The following DEUP1 variants were observed in gnomAD, a reference collection of about 807,000 sequenced individuals.
DEUP1 encodes the protein deuterosome assembly protein 1, also known as coiled-coil domain containing 67.
A neutral mutation model predicts 87.4 loss-of-function variants in DEUP1; 82 were observed. That is an observed-to-expected ratio of 0.94 (90% CI 0.78 to 1.13). DEUP1 has a LOEUF of 1.13. Among genes scored for constraint, DEUP1 ranks in the 50% most tolerant of loss-of-function variants. The pLI, the probability that DEUP1 is intolerant of heterozygous loss-of-function variation, is 0.00. For missense variants in DEUP1, 663 were observed against 681.5 expected (o/e 0.97, Z 0.30); for synonymous variants, 214 against 222.7 (o/e 0.96, Z 0.35).
At position 93,438,208 on chromosome 11, in the gene DEUP1, A is replaced by T. The variant is rs1305659442; in HGVS notation, c.*489A>T. 1.3e-5 allele frequency: 2 copies of T among 152,306 alleles called. No individual in the cohort carries two copies. Among genetic ancestry groups the T allele is most frequent in the African/African-American group, 4.8e-5 (2 of 41,462 alleles). 9.4% of individuals were successfully genotyped at this position (152,306 alleles called of 1,614,324 possible). ...AGTTATGTAAACACTCTAAAATTCTATAATTTTTTGGAAAAAAAAAGCTAT... is the reference window on the plus strand; with the variant it reads ...AGTTATGTAAACACTCTAAAATTCTTTAATTTTTTGGAAAAAAAAAGCTAT... On this transcript the variant is annotated 3_prime_UTR_variant, in exon 14 of 14. Coordinates refer to ENST00000298050, the MANE Select transcript of DEUP1 (RefSeq NM_181645.4).
intron 9 of DEUP1, among the ~76,000 whole-genome samples, chr11:93,393,096 T>G (rs1466386449): frequency 7.1e-6 from 1 of 139,962 alleles, no homozygotes; most frequent in African/African-American, 2.8e-5. Context: ...TCTTTTTTTT[T>G]TTTTTTTTTG....
intron 13 of DEUP1, among the ~76,000 whole-genome samples, chr11:93,431,112 A>G (rs111423463): frequency 3.5e-4 from 40 of 113,378 alleles, no homozygotes; most frequent in East Asian, 1.5e-3. Flanking sequence ...AAAAAAAAAA[A>G]AAAGAAAGAA....
intron 5 of DEUP1, among the ~76,000 whole-genome samples, chr11:93,365,576 T>C (rs1945374258): frequency 1.3e-5 from 2 of 152,096 alleles, no homozygotes; most frequent in South Asian, 2.1e-4. Flanking sequence ...TTAATAAAAA[T>C]TTTTCAGACA....
rs1281155551 is a variant in DEUP1 at position 93,373,640 on chromosome 11, T to C, written c.789+2360T>C. On this transcript the variant is annotated intron_variant, in intron 7 of 13. Transcript: ENST00000298050. ...ATATATATACGTATATATATATATATATATATATATACGTATATATATGCC... is the reference window on the plus strand; with the variant it reads ...ATATATATACGTATATATATATATACATATATATATACGTATATATATGCC... 1.1e-3 allele frequency among the ~76,000 whole-genome samples: 151 copies of C among 142,338 alleles called. 1 individual carries two copies. The highest frequency in any genetic ancestry group is 3.7e-3 in the Middle Eastern group (1 of 268). 93.4% of individuals were successfully genotyped at this position (142,338 alleles called of 152,430 possible).
In DEUP1 at chr11:93,437,978, C is replaced by A; in HGVS notation, c.*259C>A. On this transcript the variant is annotated 3_prime_UTR_variant, in exon 14 of 14. Transcript: ENST00000298050. Reference sequence around the variant, plus strand: ...GACTATTCCAAAAGAGATTTTTTTCCAGTCTAAGGAATATTTTGGAATCAA... The same window carrying A: ...GACTATTCCAAAAGAGATTTTTTTCAAGTCTAAGGAATATTTTGGAATCAA... 1 of 267,570 alleles carries A rather than the reference C, an allele frequency of 3.7e-6. No homozygotes were observed. The highest frequency in any genetic ancestry group is 7.0e-6 in the Non-Finnish European group (1 of 142,748). 16.6% of individuals were successfully genotyped at this position (267,570 alleles called of 1,614,324 possible). A position where few individuals can be genotyped will look rare whatever the true frequency, so the allele number is the denominator to read the frequency against.
rs527528813 is a variant in DEUP1 at position 93,416,325 on chromosome 11, T to A, written c.1638+1211T>A. ...AAAAAAGAGAGAAGAATCAAATAGA[T>A]GCAATAAAAAATGATAAAGGGGATA... On this transcript the variant is annotated intron_variant, in intron 13 of 13. Transcript: ENST00000298050. Among the ~76,000 whole-genome samples, 3 of 151,720 alleles carry A rather than the reference T, an allele frequency of 2.0e-5. No individual in the cohort carries two copies. In the South Asian group the frequency reaches 6.3e-4, roughly 32 times the overall value.
chr11:93,416,478 G>C (rs1287011245), intron 13 of DEUP1, among the ~76,000 whole-genome samples: 1 of 152,074 alleles, frequency 6.6e-6, no homozygotes, highest in Non-Finnish European at 1.5e-5. Flanking sequence ...GACTAAACCA[G>C]GAAGAAGTTG....
rs1468087711 is a variant in DEUP1, at chr11:93,415,086, T to C, written c.1610T>C (p.Leu537Ser). The change falls in exon 13 of 14, where the codon TTG (leucine) becomes TCG (serine). Residue 537 changes from leucine (L) to serine (S), a missense_variant. Coordinates refer to ENST00000298050, the MANE Select transcript of DEUP1 (RefSeq NM_181645.4). ...TFQAKEMTSP[L>S]VSDDDVFPLS... is the part of the protein sequence containing the mutation. ...CAAGCCAAAGAAATGACAAGTCCTTTGGTTAGTGATGATGATGTATTCCCA... is the reference window on the plus strand; with the variant it reads ...CAAGCCAAAGAAATGACAAGTCCTTCGGTTAGTGATGATGATGTATTCCCA... 2 of 1,610,292 alleles carry C rather than the reference T, an allele frequency of 1.2e-6. No homozygotes were observed. Among genetic ancestry groups the C allele is most frequent in the South Asian group, 1.1e-5 (1 of 90,046 alleles).
chr11:93,408,188 A>T, intron 11 of DEUP1, 43 bp from the exon 12 acceptor site: 1 of 1,351,520 alleles, frequency 7.4e-7, no homozygotes, highest in African/African-American at 1.5e-5. Flanking sequence ...TGCATTACTT[A>T]TAAGGGGCAG....
intron 13 of DEUP1, among the ~76,000 whole-genome samples, chr11:93,419,406 G>A (rs1430880760): frequency 6.6e-6 from 1 of 152,194 alleles, no homozygotes; most frequent in East Asian, 1.9e-4. Context: ...TATGCTAGTT[G>A]AAGTAAACAT....
intron 13 of DEUP1, among the ~76,000 whole-genome samples, chr11:93,434,557 A>T (rs1948186467): frequency 6.6e-6 from 1 of 152,134 alleles, no homozygotes; most frequent in Non-Finnish European, 1.5e-5. Context: ...TAGGAACTCC[A>T]CTCTGTGTGT....
At chr11:93,403,766 T>C (rs1947189603) in intron 11 of DEUP1, among the ~76,000 whole-genome samples, 2 of 151,734 alleles carry the variant, frequency 1.3e-5, no homozygotes, top group Non-Finnish European at 1.5e-5. Context: ...TGAAGAAAAC[T>C]TTATCATATC....
At chr11:93,352,259 G>A (rs997119254) in intron 2 of DEUP1, 7 of 668,546 alleles carry the variant, frequency 1.0e-5, no homozygotes, top group Middle Eastern at 2.4e-4. Context: ...AATGGATGCT[G>A]AAATAACTTG....
At chr11:93,413,164 C>G (rs866056803) in intron 12 of DEUP1, among the ~76,000 whole-genome samples, 4 of 151,682 alleles carry the variant, frequency 2.6e-5, no homozygotes, top group Admixed American at 6.6e-5. Flanking sequence ...CTAATCAATA[C>G]CTGTGGAGAA....
At chr11:93,385,848 T>C (rs1418303213) in intron 8 of DEUP1, among the ~76,000 whole-genome samples, 3 of 152,010 alleles carry the variant, frequency 2.0e-5, no homozygotes, top group African/African-American at 4.8e-5. Context: ...GCCCAGGATT[T>C]CAAGACAAGC....
At chr11:93,437,043 C>A (rs1948267413) in intron 13 of DEUP1, among the ~76,000 whole-genome samples, 1 of 152,124 alleles carries the variant, frequency 6.6e-6, no homozygotes, top group Non-Finnish European at 1.5e-5. Context: ...GCCTTCCCTA[C>A]TAGGGAGCCA....
chr11:93,364,362 T>C, intron 5 of DEUP1, 68 bp downstream of exon 5: 1 of 1,367,806 alleles, frequency 7.3e-7, no homozygotes, highest in African/African-American at 1.4e-5. Flanking sequence ...GGGCTATTTG[T>C]CTCTAGTGTC....
intron 13 of DEUP1, among the ~76,000 whole-genome samples, chr11:93,427,610 C>A (rs1008223870): frequency 7.3e-5 from 11 of 150,406 alleles, no homozygotes; most frequent in Admixed American, 3.3e-4. Context: ...GCAACAAAAG[C>A]CAAAATTGAC....
In DEUP1 at chr11:93,384,896, C is replaced by T. The variant is rs1305641690; in HGVS notation, c.790-502C>T. 2.6e-5 allele frequency among the ~76,000 whole-genome samples: 4 copies of T among 151,894 alleles called. No individual in the cohort carries two copies. In the South Asian group the frequency reaches 6.2e-4, roughly 24 times the overall value. On this transcript the variant is annotated intron_variant, in intron 7 of 13. Coordinates refer to ENST00000298050, the MANE Select transcript of DEUP1 (RefSeq NM_181645.4). ...TTCTGTGTCTGTATCCCCAGAGCAC[C>T]TAATAAAAACTCAGTAAATATTTGT...
Sources: allele counts gnomAD v4.1 joint callset (sites outside exome capture counted in the v4.1 genomes callset), GRCh38; gene constraint gnomAD v4.1.1; transcripts MANE v1.5; gene names NCBI Gene and HGNC (gene_info 2026-07-23, HGNC 2026-07-21).